Variants in PPP4R3A observed in about 807,000 individuals in gnomAD.
The protein encoded by PPP4R3A is protein phosphatase 4 regulatory subunit 3A.
A neutral mutation model predicts 91.7 loss-of-function variants in PPP4R3A; 15 were observed. The observed-to-expected ratio is 0.16, with a 90% CI of 0.11 to 0.25. PPP4R3A has a LOEUF of 0.25. Ranked by LOEUF, PPP4R3A falls within the 10% of genes least tolerant of loss-of-function variation. PPP4R3A has a pLI of 1.00. For missense variants in PPP4R3A, 623 were observed against 998.4 expected (o/e 0.62, Z 5.07); for synonymous variants, 377 against 348.7 (o/e 1.08, Z -0.91).
In PPP4R3A at chr14:91,501,708, C is replaced by CTT. The variant is rs11382091; in HGVS notation, c.142+7796_142+7797dup. ...CATGTAGGTGGGAGACTAAAGTGTG[C>CTT]TTTTTTTTTTTTTTGAGACGGAATC... On this transcript the variant is annotated intron_variant, in intron 1 of 14. Transcript: ENST00000554943. Among the ~76,000 whole-genome samples the CTT allele has an allele frequency of 1.3e-3, 184 of 137,980 alleles. 1 individual carries two copies. The highest frequency in any genetic ancestry group is 6.7e-3 in the South Asian group (29 of 4,338). The allele number at this position is 137,980 out of a possible 152,430, so 90.5% of individuals were successfully genotyped here.
chr14:91,471,226 C>G (rs2140088843), intron 9 of PPP4R3A, among the ~76,000 whole-genome samples: 1 of 152,122 alleles, frequency 6.6e-6, no homozygotes, highest in Middle Eastern at 3.4e-3. Flanking sequence ...ACATTATGAG[C>G]CTATTAACTA....
intron 8 of PPP4R3A, 41 bp downstream of exon 8, chr14:91,473,198 T>C: frequency 6.2e-7 from 1 of 1,612,580 alleles, no homozygotes; most frequent in Non-Finnish European, 8.5e-7. Context: ...CAATACACAA[T>C]ATACTAGCTA....
chr14:91,509,536 T>C lies in PPP4R3A; in HGVS notation c.112A>G (p.Met38Val). 2 of 1,598,366 alleles carry C rather than the reference T, an allele frequency of 1.3e-6. No individual in the cohort carries two copies. The highest frequency in any genetic ancestry group is 8.5e-7 in the Non-Finnish European group (1 of 1,177,288). The change falls in exon 1 of 15, where the codon ATG becomes GTG. Residue 38 changes from methionine to valine, a missense_variant. Physicochemically the swap from Met to Val is conservative, Grantham distance 21. This residue lies in a region of PPP4R3A where 51 missense variants were observed against 81.8 expected (regional missense o/e 0.62). Transcript: ENST00000554943. ...SSGYVERLKG[M>V]SLLVRAESDG... ...CTCTCAGCCCTGACAAGCAGGGACATGCCCTTCAGCCGCTCCACGTAGCCA... is the reference window on the plus strand; with the variant it reads ...CTCTCAGCCCTGACAAGCAGGGACACGCCCTTCAGCCGCTCCACGTAGCCA...
At chr14:91,491,094 A>G (rs980552508) in intron 1 of PPP4R3A, among the ~76,000 whole-genome samples, 2 of 151,486 alleles carry the variant, frequency 1.3e-5, no homozygotes, top group African/African-American at 4.9e-5. Context: ...TTTAGTAGAG[A>G]CGGGGTTTCA....
At chr14:91,498,580 A>G (rs1379930913) in intron 1 of PPP4R3A, among the ~76,000 whole-genome samples, 1 of 152,146 alleles carries the variant, frequency 6.6e-6, no homozygotes, top group Non-Finnish European at 1.5e-5. Flanking sequence ...CAATGACCCC[A>G]GGTACTTGGG....
intron 4 of PPP4R3A, among the ~76,000 whole-genome samples, chr14:91,478,698 A>T (rs934682493): frequency 5.3e-5 from 8 of 152,208 alleles, no homozygotes; most frequent in Non-Finnish European, 8.8e-5. Flanking sequence ...ATGGAGCTAA[A>T]GAAAAGGATC....
At position 91,509,857 on chromosome 14, in the gene PPP4R3A, T is replaced by A; in HGVS notation, c.-210A>T. The A allele has an allele frequency of 8.7e-7, 1 of 1,143,896 alleles. No individual in the cohort carries two copies. Among genetic ancestry groups the A allele is most frequent in the Non-Finnish European group, 1.1e-6 (1 of 934,642 alleles). 70.9% of individuals were successfully genotyped at this position (1,143,896 alleles called of 1,614,324 possible). A position where few individuals can be genotyped will look rare whatever the true frequency, so the allele number is the denominator to read the frequency against. ...GCCGCCGCCTTTCCTCGCCTCCGGC[T>A]CCCCGGCGCTATTGTCCAGGCCTGG... is the stretch of plus-strand genomic sequence containing the variant. On this transcript the variant is annotated 5_prime_UTR_variant, in exon 1 of 15. Coordinates refer to ENST00000554943, the MANE Select transcript of PPP4R3A (RefSeq NM_001366432.2).
At chr14:91,506,998 A>G (rs1281785025) in intron 1 of PPP4R3A, among the ~76,000 whole-genome samples, 1 of 152,072 alleles carries the variant, frequency 6.6e-6, no homozygotes, top group East Asian at 1.9e-4. Context: ...AGGAAGAGAG[A>G]TTTGTGGCTA....
Position 91,457,871 on chromosome 14 carries a change from T to G in PPP4R3A, c.*888A>C, listed in dbSNP as rs1470289585. On this transcript the variant is annotated 3_prime_UTR_variant, in exon 15 of 15. Transcript: ENST00000554943. ...TAGTCACAAAATAGTATTGCTTTTG[T>G]ATGCACATAGTTGTAAGATTACTTT... is the stretch of plus-strand genomic sequence containing the variant. The G allele has an allele frequency of 6.6e-6, 1 of 152,606 alleles. No individual in the cohort carries two copies. Among genetic ancestry groups the G allele is most frequent in the African/African-American group, 2.4e-5 (1 of 41,450 alleles). The allele number at this position is 152,606 out of a possible 1,614,324, so 9.5% of individuals were successfully genotyped here.
chr14:91,482,028 G>A lies in PPP4R3A; in HGVS notation c.463C>T (p.Leu155Phe). The part of the protein sequence containing the change: ...ELVASSLPSP[L>F]RREKLALALE... Reference sequence around the variant, plus strand: ...GCCAGTGCAAGTTTTTCACGACGAAGAGGTGAAGGTAAAGATGATGCCACA... The same window carrying A: ...GCCAGTGCAAGTTTTTCACGACGAAAAGGTGAAGGTAAAGATGATGCCACA... The change falls in exon 4 of 15, where the codon CTT becomes TTT. Residue 155 changes from leucine to phenylalanine, a missense_variant. This residue lies in a region of PPP4R3A where 264 missense variants were observed against 377.3 expected (regional missense o/e 0.70). Transcript: ENST00000554943. The A allele has an allele frequency of 6.2e-7, 1 of 1,614,026 alleles. No individual in the cohort carries two copies. Among genetic ancestry groups the A allele is most frequent in the South Asian group, 1.1e-5 (1 of 91,082 alleles).
chr14:91,486,898 CTGT>C (rs1567157184), intron 2 of PPP4R3A, among the ~76,000 whole-genome samples: 1 of 105,264 alleles, frequency 9.5e-6, no homozygotes, highest in South Asian at 3.1e-4. Context: ...GAGCAAAACT[CTGT>C]CTCCAAAAAA....
At chr14:91,497,341 T>TACACACACACACACAC (rs10542688) in intron 1 of PPP4R3A, among the ~76,000 whole-genome samples, 1 of 148,516 alleles carries the variant, frequency 6.7e-6, no homozygotes, top group East Asian at 2.0e-4. Context: ...ATCTTTTATT[T>TACACACACACACACAC]ACACACACAC....
Position 91,471,007 on chromosome 14 carries a change from A to G in PPP4R3A, c.1502-12T>C, listed in dbSNP as rs183524462. 2.4e-4 allele frequency: 377 copies of G among 1,571,590 alleles called. 1 individual carries two copies. The African/African-American group carries it at 4.7e-3, about 19-fold the overall frequency. On this transcript the variant is annotated splice_polypyrimidine_tract_variant and intron_variant, in intron 9 of 14. Transcript: ENST00000554943. ...AGTCTGAAAATCATCTAAAAGAAAC[A>G]AAACACAACTAATTATATTTAATGA...
Position 91,502,095 on chromosome 14 carries a change from A to T in PPP4R3A, c.142+7411T>A, listed in dbSNP as rs578247570. ...TTCTTTCCTGACTTTTCGGAAAAAA[A>T]TTTAAATGCCTCATTACATAGTGGC... On this transcript the variant is annotated intron_variant, in intron 1 of 14. Transcript: ENST00000554943. 1.4e-4 allele frequency among the ~76,000 whole-genome samples: 21 copies of T among 152,066 alleles called. No homozygotes were observed. The South Asian group carries it at 2.3e-3, about 17-fold the overall frequency.
At position 91,469,750 on chromosome 14, in the gene PPP4R3A, G is replaced by C. The variant is rs1190649554; in HGVS notation, c.1660+1087C>G. On this transcript the variant is annotated intron_variant, in intron 10 of 14. Transcript: ENST00000554943. ...CACCCAGCTTTCTATTTTTAGTAGAGACGGGGTTTCACCATGTTACCCAGG... is the reference window on the plus strand; with the variant it reads ...CACCCAGCTTTCTATTTTTAGTAGACACGGGGTTTCACCATGTTACCCAGG... Among the ~76,000 whole-genome samples, 5 of 152,076 alleles carry C rather than the reference G, an allele frequency of 3.3e-5. No individual in the cohort carries two copies. The South Asian group carries it at 6.2e-4, about 19-fold the overall frequency.
At chr14:91,488,114 A>G (rs1426452449) in intron 2 of PPP4R3A, among the ~76,000 whole-genome samples, 1 of 152,094 alleles carries the variant, frequency 6.6e-6, no homozygotes, top group African/African-American at 2.4e-5. Flanking sequence ...GCTTGAGGCC[A>G]GGAGTTGGAC....
chr14:91,481,920 G>A lies in PPP4R3A; in HGVS notation c.571C>T (p.His191Tyr). Residue 191 changes from histidine (H) to tyrosine (Y), a missense_variant, in exon 4 of 15, where the codon CAC becomes TAC. This residue lies in a region of PPP4R3A where 264 missense variants were observed against 377.3 expected (regional missense o/e 0.70). Transcript: ENST00000554943. ...ATGCCTTTGATAATTTCATACAAGT[G>A]GTGCAGTCCTTCAATATTTTCCAAA... ...EDLENIEGLH[H>Y]LYEIIKGIFL... The A allele has an allele frequency of 6.2e-7, 1 of 1,613,762 alleles. No individual in the cohort carries two copies.
intron 10 of PPP4R3A, among the ~76,000 whole-genome samples, chr14:91,468,513 A>T (rs1048991335): frequency 6.6e-5 from 10 of 151,766 alleles, no homozygotes; most frequent in Non-Finnish European, 1.2e-4. Flanking sequence ...CTACTAAAAT[A>T]CAAAAATTAG....
intron 3 of PPP4R3A, among the ~76,000 whole-genome samples, chr14:91,483,011 C>A (rs1173622023): frequency 6.6e-6 from 1 of 152,186 alleles, no homozygotes; most frequent in African/African-American, 2.4e-5. Context: ...TTCATGATCC[C>A]TCTAGGAGCC....
Sources: allele counts gnomAD v4.1 joint callset (sites outside exome capture counted in the v4.1 genomes callset), GRCh38; gene constraint gnomAD v4.1.1; regional missense constraint gnomAD v4.1.1; transcripts MANE v1.5; gene names NCBI Gene and HGNC (gene_info 2026-07-23, HGNC 2026-07-21).